The following NYAP2 variants were observed in gnomAD, a reference collection of about 807,000 sequenced individuals.
The protein encoded by NYAP2 is neuronal tyrosine-phosphorylated phosphoinositide-3-kinase adaptor 2, also known as neuronal tyrosine-phosphorylated phosphoinositide-3-kinase adapter 2.
A neutral mutation model predicts 50.4 loss-of-function variants in NYAP2; 23 were observed. The ratio of observed to expected loss-of-function variants is 0.46; its 90% CI spans 0.33 to 0.65. NYAP2 has a LOEUF of 0.65. Among genes scored for constraint, NYAP2 ranks in the 30% least tolerant of loss-of-function variants. The probability of loss-of-function intolerance (pLI) is 0.02; values close to 1 mark genes in which losing one functional copy is unlikely to be tolerated. For missense variants in NYAP2, 885 were observed against 861.0 expected (o/e 1.03, Z -0.35); for synonymous variants, 394 against 365.2 (o/e 1.08, Z -0.90).
At chr2:225,418,324 G>A (rs1695158383) in intron 3 of NYAP2, among the ~76,000 whole-genome samples, 1 of 152,168 alleles carries the variant, frequency 6.6e-6, no homozygotes, top group East Asian at 1.9e-4. Context: ...ATCTTGTGAG[G>A]ACATGGAGGT....
chr2:225,521,240 C>G (rs1312718332), intron 4 of NYAP2, among the ~76,000 whole-genome samples: 1 of 151,816 alleles, frequency 6.6e-6, no homozygotes, highest in Middle Eastern at 3.2e-3. Flanking sequence ...TTGACTTCCT[C>G]TTTTCCTAAT....
At chr2:225,457,431 A>G (rs1404798946) in intron 3 of NYAP2, among the ~76,000 whole-genome samples, 1 of 152,094 alleles carries the variant, frequency 6.6e-6, no homozygotes, top group Non-Finnish European at 1.5e-5. Context: ...AACTAATCCC[A>G]CTTTATATCT....
At chr2:225,441,801 A>G (rs1689474908) in intron 3 of NYAP2, among the ~76,000 whole-genome samples, 1 of 152,246 alleles carries the variant, frequency 6.6e-6, no homozygotes, top group African/African-American at 2.4e-5. Context: ...GCCAAACCAT[A>G]TCAACTACTG....
the NYAP2 span, among the ~76,000 whole-genome samples, chr2:225,664,443 T>G: frequency 2.0e-5 from 3 of 152,218 alleles, no homozygotes; most frequent in Non-Finnish European, 4.4e-5. Flanking sequence ...TGTATCACTG[T>G]TATAATAACT....
chr2:225,642,707 T>G (rs571628489), intron 6 of NYAP2, among the ~76,000 whole-genome samples: 1 of 152,006 alleles, frequency 6.6e-6, no homozygotes, highest in African/African-American at 2.4e-5. Flanking sequence ...GGAGGTAGAG[T>G]TGAAGTCAGC....
intron 4 of NYAP2, among the ~76,000 whole-genome samples, chr2:225,518,670 T>C (rs928405498): frequency 7.0e-6 from 1 of 143,746 alleles, no homozygotes; most frequent in African/African-American, 2.6e-5. Flanking sequence ...CTACAATGTA[T>C]ACATATTTCA....
At chr2:225,668,230 TTGTC>T in the NYAP2 span, among the ~76,000 whole-genome samples, 1 of 152,078 alleles carries the variant, frequency 6.6e-6, no homozygotes, top group Non-Finnish European at 1.5e-5. Flanking sequence ...GAATGTCCCT[TTGTC>T]TGATTGTTCT....
At chr2:225,580,510 C>T (rs192319459) in intron 4 of NYAP2, among the ~76,000 whole-genome samples, 3 of 152,304 alleles carry the variant, frequency 2.0e-5, no homozygotes, top group East Asian at 1.9e-4. Flanking sequence ...AAATTCTACA[C>T]AGATTATGAA....
At chr2:225,648,323 C>A (rs918587401) in intron 6 of NYAP2, among the ~76,000 whole-genome samples, 7 of 151,964 alleles carry the variant, frequency 4.6e-5, no homozygotes, top group Non-Finnish European at 1.0e-4. Flanking sequence ...TTTTAGAAAG[C>A]AAGAAGCAGT....
intron 4 of NYAP2, among the ~76,000 whole-genome samples, chr2:225,544,242 A>T (rs1691527772): frequency 6.6e-6 from 1 of 150,378 alleles, no homozygotes. Context: ...TTATCCATTG[A>T]GCCACTCTGT....
intron 3 of NYAP2, among the ~76,000 whole-genome samples, chr2:225,444,850 C>T (rs1181867120): frequency 2.6e-5 from 4 of 152,164 alleles, no homozygotes; most frequent in Non-Finnish European, 5.9e-5. Context: ...TGTTAAAAGA[C>T]AATAACACTT....
At chr2:225,549,268 T>A (rs1371758218) in intron 4 of NYAP2, among the ~76,000 whole-genome samples, 1 of 152,218 alleles carries the variant, frequency 6.6e-6, no homozygotes, top group Non-Finnish European at 1.5e-5. Context: ...CTTTATCTTG[T>A]CTCTACTTAA....
At chr2:225,570,975 T>G (rs1030628261) in intron 4 of NYAP2, among the ~76,000 whole-genome samples, 2 of 152,232 alleles carry the variant, frequency 1.3e-5, no homozygotes, top group Non-Finnish European at 2.9e-5. Flanking sequence ...ACAAGATGAA[T>G]TAGTCAAAAC....
At chr2:225,612,329 A>G (rs145973326) in intron 5 of NYAP2, among the ~76,000 whole-genome samples, 205 of 151,972 alleles carry the variant, frequency 1.3e-3, no homozygotes, top group African/African-American at 4.6e-3. Flanking sequence ...TAACCCGAAC[A>G]AAACAAAACA....
At chr2:225,660,755 C>A in the NYAP2 span, among the ~76,000 whole-genome samples, 1 of 152,132 alleles carries the variant, frequency 6.6e-6, no homozygotes. Context: ...GGATAATAAG[C>A]AAAACGCCTG....
chr2:225,663,562 T>C, the NYAP2 span, among the ~76,000 whole-genome samples: 1 of 151,902 alleles, frequency 6.6e-6, no homozygotes, highest in Admixed American at 6.6e-5. Flanking sequence ...TCTCACTTTT[T>C]TTTTCTTTTT....
chr2:225,408,699 T>C (rs1694979498), intron 2 of NYAP2, among the ~76,000 whole-genome samples, 165 bp from the exon 3 acceptor site: 1 of 152,106 alleles, frequency 6.6e-6, no homozygotes, highest in Non-Finnish European at 1.5e-5. Context: ...GTAGCACTTA[T>C]TTAATATTTA....
chr2:225,673,122 C>T, the NYAP2 span, among the ~76,000 whole-genome samples: 1 of 151,946 alleles, frequency 6.6e-6, no homozygotes, highest in African/African-American at 2.4e-5. Context: ...TGGATGGTGG[C>T]AGGCAAAGAG....
the NYAP2 span, chr2:225,699,951 A>G: frequency 7.9e-5 from 12 of 151,906 alleles, no homozygotes; most frequent in Non-Finnish European, 1.2e-4. Flanking sequence ...AATTGATAGT[A>G]TGTGGTTCTT....
Sources: allele counts gnomAD v4.1 joint callset (sites outside exome capture counted in the v4.1 genomes callset), GRCh38; gene constraint gnomAD v4.1.1; transcripts MANE v1.5; gene names NCBI Gene and HGNC (gene_info 2026-07-23, HGNC 2026-07-21).